RPL28: variants seen among roughly 807,000 people sequenced by gnomAD.
RPL28 encodes large ribosomal subunit protein eL28.
In RPL28, 4 loss-of-function variants were observed where a neutral mutation model predicts 12.5. The observed-to-expected ratio is 0.32, with a 90% CI of 0.16 to 0.73. The LOEUF (loss-of-function observed/expected upper bound fraction) is 0.73, where lower values mean the gene tolerates loss of function less well. RPL28 is among the 30% of genes least tolerant of loss of function. RPL28 has a pLI of 0.66. For synonymous variants in RPL28, 91 were observed against 72.5 expected (o/e 1.26, Z -1.30); for missense variants, 214 against 197.7 (o/e 1.08, Z -0.49).
exon 5 of RPL28, chr19:55,402,953 G>A: frequency 1.3e-6 from 2 of 1,529,096 alleles, no homozygotes; most frequent in Non-Finnish European, 1.7e-6. Context: ...CTTGCGGGAA[G>A]GGTTGGGAGG....
In RPL28 at chr19:55,388,465, G is replaced by A; in HGVS notation, c.*133G>A. The A allele has an allele frequency of 7.4e-7, 1 of 1,346,944 alleles. No homozygotes were observed. The highest frequency in any genetic ancestry group is 9.6e-7 in the Non-Finnish European group (1 of 1,044,026). The allele number at this position is 1,346,944 out of a possible 1,614,324, so 83.4% of individuals were successfully genotyped here. A position where few individuals can be genotyped will look rare whatever the true frequency, so the allele number is the denominator to read the frequency against. On this transcript the variant is annotated 3_prime_UTR_variant, in exon 5 of 5. Transcript: ENST00000344063. ...AGGCCATGTCATCAAAACTCTGCAT[G>A]TCACCTTGTCCATCTGGAGGTGATG...
At chr19:55,399,182 T>C (rs1466216853) in intron 4 of RPL28, among the ~76,000 whole-genome samples, 1 of 149,782 alleles carries the variant, frequency 6.7e-6, no homozygotes, top group Non-Finnish European at 1.5e-5. Flanking sequence ...TTTTCTTTTC[T>C]TTGAGACAGA....
chr19:55,395,664 C>T (rs376767851), downstream of RPL28, among the ~76,000 whole-genome samples: 17 of 148,922 alleles, frequency 1.1e-4, no homozygotes, highest in East Asian at 2.1e-4. Flanking sequence ...AGGATGGTCT[C>T]AATCTCCTGA....
chr19:55,393,461 A>G (rs1449467560), downstream of RPL28, among the ~76,000 whole-genome samples: 2 of 152,014 alleles, frequency 1.3e-5, no homozygotes, highest in Non-Finnish European at 2.9e-5. Context: ...CATAAAGTCC[A>G]CGCTTTTAGA....
downstream of RPL28, among the ~76,000 whole-genome samples, chr19:55,395,634 G>C (rs995088881): frequency 1.1e-4 from 17 of 151,024 alleles, no homozygotes; most frequent in African/African-American, 4.1e-4. Context: ...TAGTAGACAT[G>C]GGGTTTCACT....
At chr19:55,388,109 C>T in intron 4 of RPL28, 61 bp downstream of exon 4, 1 of 1,602,926 alleles carries the variant, frequency 6.2e-7, no homozygotes, top group African/African-American at 1.3e-5. Context: ...GGAAGGGCCT[C>T]CCACTACTGG....
downstream of RPL28, among the ~76,000 whole-genome samples, chr19:55,395,120 T>C (rs1399374607): frequency 6.6e-6 from 1 of 151,980 alleles, no homozygotes. Flanking sequence ...TTCTTTTTTT[T>C]CCTTTTCTTA....
In RPL28 at chr19:55,391,491, G is replaced by T; in HGVS notation, c.*3159G>T. The T allele has an allele frequency of 7.0e-7, 1 of 1,429,434 alleles. No homozygotes were observed. 88.5% of individuals were successfully genotyped at this position (1,429,434 alleles called of 1,614,324 possible). ...TGCCAAGCCCAAAGTTGTGCAGAGCGCTGGGGACTCCAGACTCCCCACAGC... is the reference window on the plus strand; with the variant it reads ...TGCCAAGCCCAAAGTTGTGCAGAGCTCTGGGGACTCCAGACTCCCCACAGC... On this transcript the variant is annotated 3_prime_UTR_variant, in exon 5 of 5. Coordinates refer to ENST00000344063, the MANE Select transcript of RPL28 (RefSeq NM_000991.5).
chr19:55,389,290 A>G lies in RPL28; in HGVS notation c.*958A>G. On this transcript the variant is annotated 3_prime_UTR_variant, in exon 5 of 5. Coordinates refer to ENST00000344063, the MANE Select transcript of RPL28 (RefSeq NM_000991.5). ...TGAGCGGAGCACTTGAGCCAAGAGT[A>G]TGAGGCTGCAGTGAGCCCATGAGCC... 1.1e-6 allele frequency: 1 copy of G among 947,354 alleles called. No homozygotes were observed. The highest frequency in any genetic ancestry group is 1.3e-6 in the Non-Finnish European group (1 of 795,202). 58.7% of individuals were successfully genotyped at this position (947,354 alleles called of 1,614,324 possible).
chr19:55,397,175 C>T (rs1408624698), intron 4 of RPL28, among the ~76,000 whole-genome samples: 1 of 152,208 alleles, frequency 6.6e-6, no homozygotes, highest in Admixed American at 6.6e-5. Flanking sequence ...CCACTACACC[C>T]GGCCTCCTTG....
At chr19:55,386,285 C>T in intron 1 of RPL28, 65 bp from the exon 2 acceptor site, 1 of 1,469,816 alleles carries the variant, frequency 6.8e-7, no homozygotes, top group African/African-American at 1.4e-5. Context: ...CCGAGCGTGG[C>T]CCGTGGCCTA....
chr19:55,397,635 C>T (rs985447145), intron 4 of RPL28, among the ~76,000 whole-genome samples: 19 of 152,114 alleles, frequency 1.2e-4, no homozygotes, highest in African/African-American at 4.6e-4. Flanking sequence ...CCGCCTCGAC[C>T]TCCCAAAGTG....
chr19:55,402,956 T>C (rs1276093258), exon 5 of RPL28: 4 of 1,532,998 alleles, frequency 2.6e-6, no homozygotes, highest in Non-Finnish European at 3.5e-6. Flanking sequence ...GCGGGAAGGG[T>C]TGGGAGGCAG....
chr19:55,389,406 T>C lies in RPL28; in HGVS notation c.*1074T>C, dbSNP rs1291565490. On this transcript the variant is annotated 3_prime_UTR_variant, in exon 5 of 5. Transcript: ENST00000344063. ...CTGCTGTTGATCCTCACATGTTTCC[T>C]GGGCACCTAACTCTGTCAGCCACTG... is the stretch of plus-strand genomic sequence containing the variant. 2.0e-6 allele frequency: 2 copies of C among 985,430 alleles called. No individual in the cohort carries two copies. The highest frequency in any genetic ancestry group is 2.4e-6 in the Non-Finnish European group (2 of 829,952). The allele number at this position is 985,430 out of a possible 1,614,324, so 61.0% of individuals were successfully genotyped here.
Position 55,389,418 on chromosome 19 carries a change from T to A in RPL28, c.*1086T>A, listed in dbSNP as rs1332792312. 1.0e-6 allele frequency: 1 copy of A among 985,248 alleles called. No homozygotes were observed. Among genetic ancestry groups the A allele is most frequent in the Admixed American group, 6.1e-5 (1 of 16,264 alleles). 61.0% of individuals were successfully genotyped at this position (985,248 alleles called of 1,614,324 possible). A position where few individuals can be genotyped will look rare whatever the true frequency, so the allele number is the denominator to read the frequency against. ...CTCACATGTTTCCTGGGCACCTAAC[T>A]CTGTCAGCCACTGCCAGGGACCAAG... On this transcript the variant is annotated 3_prime_UTR_variant, in exon 5 of 5. Coordinates refer to ENST00000344063, the MANE Select transcript of RPL28 (RefSeq NM_000991.5).
downstream of RPL28, chr19:55,392,103 T>C (rs767558128): frequency 2.0e-6 from 2 of 994,914 alleles, no homozygotes; most frequent in Non-Finnish European, 2.4e-6. Flanking sequence ...TTATGAAATA[T>C]GCATGTGGTC....
rs1459865800 is a variant in RPL28 at position 55,389,566 on chromosome 19, T to G, written c.*1234T>G. 1.0e-6 allele frequency: 1 copy of G among 985,372 alleles called. No individual in the cohort carries two copies. Among genetic ancestry groups the G allele is most frequent in the Non-Finnish European group, 1.2e-6 (1 of 829,974 alleles). 61.0% of individuals were successfully genotyped at this position (985,372 alleles called of 1,614,324 possible). On this transcript the variant is annotated 3_prime_UTR_variant, in exon 5 of 5. Transcript: ENST00000344063. ...TGAGAGTAAGGGGACTGTCAGGGCCTCGACTTGCCATTGGTTGGGGTCGTA... is the reference window on the plus strand; with the variant it reads ...TGAGAGTAAGGGGACTGTCAGGGCCGCGACTTGCCATTGGTTGGGGTCGTA...
intron 3 of RPL28, 123 bp from the exon 4 acceptor site, chr19:55,387,807 C>G: frequency 6.8e-7 from 1 of 1,469,898 alleles, no homozygotes; most frequent in Non-Finnish European, 8.9e-7. Flanking sequence ...GCTGGCCTGC[C>G]CAGGCACCCG....
chr19:55,389,022 C>T lies in RPL28; in HGVS notation c.*690C>T. 2.0e-6 allele frequency: 2 copies of T among 985,516 alleles called. No homozygotes were observed. The highest frequency in any genetic ancestry group is 2.4e-6 in the Non-Finnish European group (2 of 829,978). The allele number at this position is 985,516 out of a possible 1,614,324, so 61.0% of individuals were successfully genotyped here. ...CCTGTCTCTTTGAGCTGGCTCTTGT[C>T]ACTTAGGTCTCATCTCAGTGGCCGC... On this transcript the variant is annotated 3_prime_UTR_variant, in exon 5 of 5. Transcript: ENST00000344063.
Sources: allele counts gnomAD v4.1 joint callset (sites outside exome capture counted in the v4.1 genomes callset), GRCh38; gene constraint gnomAD v4.1.1; transcripts MANE v1.5; gene names NCBI Gene and HGNC (gene_info 2026-07-23, HGNC 2026-07-21).